The following SUPT3H variants were observed in gnomAD, a reference collection of about 807,000 sequenced individuals.
SUPT3H encodes the protein SPT3 homolog, SAGA and STAGA complex component.
SUPT3H carries 44 observed loss-of-function variants against 44.3 expected under a neutral mutation model. That is an observed-to-expected ratio of 0.99 (90% CI 0.78 to 1.28). The LOEUF (loss-of-function observed/expected upper bound fraction) is 1.28. SUPT3H is among the 50% of genes most tolerant of loss of function. The probability of loss-of-function intolerance (pLI) is 0.00; values close to 1 mark genes in which losing one functional copy is unlikely to be tolerated. For missense variants in SUPT3H, 380 were observed against 387.1 expected (o/e 0.98, Z 0.15); for synonymous variants, 124 against 125.6 (o/e 0.99, Z 0.09).
intron 2 of SUPT3H, among the ~76,000 whole-genome samples, chr6:45,157,867 T>A (rs944496290): frequency 4.0e-5 from 6 of 151,432 alleles, no homozygotes; most frequent in Non-Finnish European, 8.8e-5. Flanking sequence ...TTTAAAAAGC[T>A]TTTTAGGTAA....
At chr6:45,217,838 C>T (rs549067827) in intron 2 of SUPT3H, among the ~76,000 whole-genome samples, 1 of 151,574 alleles carries the variant, frequency 6.6e-6, no homozygotes, top group South Asian at 2.1e-4. Context: ...TGCAGTAGGC[C>T]GAGATCACAC....
In SUPT3H at chr6:44,847,958, C is replaced by CTTTTTTTTTTTTTT. The variant is rs969869912; in HGVS notation, c.913-18115_913-18102dup. Reference sequence around the variant, plus strand: ...CTAGTGTTGACAGTTATCTCTGTGTCTTTTTTTTTTTTTTTTTTTTTTTTT... The same window carrying CTTTTTTTTTTTTTT: ...CTAGTGTTGACAGTTATCTCTGTGTCTTTTTTTTTTTTTTTTTTTTTTTTTTTTTTTTTTTTTTT... On this transcript the variant is annotated intron_variant, in intron 10 of 10. Transcript: ENST00000371459. Among the ~76,000 whole-genome samples the CTTTTTTTTTTTTTT allele has an allele frequency of 3.4e-5, 2 of 58,350 alleles. 1 individual carries two copies. The highest frequency in any genetic ancestry group is 1.4e-4 in the African/African-American group (2 of 14,586). The allele number at this position is 58,350 out of a possible 152,430, so 38.3% of individuals were successfully genotyped here.
intron 2 of SUPT3H, among the ~76,000 whole-genome samples, chr6:45,107,885 T>G (rs1018087485): frequency 1.5e-4 from 23 of 152,262 alleles, no homozygotes; most frequent in Non-Finnish European, 2.9e-4. Context: ...TTATGTTTTT[T>G]TAAAAGAGAA....
chr6:44,904,260 C>T (rs1310441963), intron 10 of SUPT3H, among the ~76,000 whole-genome samples: 3 of 152,126 alleles, frequency 2.0e-5, no homozygotes, highest in Admixed American at 6.5e-5. Flanking sequence ...GATTGTATAT[C>T]TAGAAAACCC....
intron 2 of SUPT3H, among the ~76,000 whole-genome samples, chr6:45,137,087 G>A (rs2153587365): frequency 6.6e-6 from 1 of 152,110 alleles, no homozygotes; most frequent in Non-Finnish European, 1.5e-5. Context: ...AAGACAAGAA[G>A]CAATGGAATA....
At chr6:45,172,819 T>C (rs1037594794) in intron 2 of SUPT3H, among the ~76,000 whole-genome samples, 1 of 151,570 alleles carries the variant, frequency 6.6e-6, no homozygotes, top group African/African-American at 2.4e-5. Flanking sequence ...CTCGAACTCC[T>C]GACCTCGTGA....
At chr6:44,986,594 CTTTATCCTACCCAAAGG>C (rs1246762340) in intron 6 of SUPT3H, among the ~76,000 whole-genome samples, 1 of 152,060 alleles carries the variant, frequency 6.6e-6, no homozygotes, top group African/African-American at 2.4e-5. Flanking sequence ...TGTCAAAATC[CTTTATCCTACCCAAAGG>C]TTCACTGGTT....
chr6:45,263,235 G>T (rs1774685456), intron 2 of SUPT3H, among the ~76,000 whole-genome samples: 1 of 152,072 alleles, frequency 6.6e-6, no homozygotes, highest in Non-Finnish European at 1.5e-5. Flanking sequence ...AATCAACCTA[G>T]ATGCCCATCA....
rs574530537 is a variant in SUPT3H, at chr6:44,978,394, G to A, written c.505-16566C>T. Among the ~76,000 whole-genome samples, 3 of 152,288 alleles carry A rather than the reference G, an allele frequency of 2.0e-5. No individual in the cohort carries two copies. In the South Asian group the frequency reaches 6.2e-4, roughly 32 times the overall value. On this transcript the variant is annotated intron_variant, in intron 6 of 10. Coordinates refer to ENST00000371459, the MANE Select transcript of SUPT3H (RefSeq NM_003599.4). ...CATACCTTGGATAAAGAATGGAACT[G>A]TGATTTTAATATGTAGGTCTATATG...
intron 2 of SUPT3H, among the ~76,000 whole-genome samples, chr6:45,189,198 A>C (rs1294768086): frequency 6.6e-6 from 1 of 152,230 alleles, no homozygotes; most frequent in Admixed American, 6.5e-5. Context: ...TATTGGGCAA[A>C]AGCAACTTTT....
intron 2 of SUPT3H, among the ~76,000 whole-genome samples, chr6:45,122,416 T>C (rs1801807226): frequency 6.6e-6 from 1 of 152,222 alleles, no homozygotes; most frequent in Non-Finnish European, 1.5e-5. Context: ...AACTTAGGAA[T>C]AATTTCACAG....
At chr6:44,992,684 CTTTT>C (rs1262668692) in intron 6 of SUPT3H, among the ~76,000 whole-genome samples, 280 of 152,196 alleles carry the variant, frequency 1.8e-3, no homozygotes, top group African/African-American at 6.6e-3. Context: ...GGGAAGAAAA[CTTTT>C]AAATTTCATC....
At chr6:45,017,832 C>G (rs1784528460) in intron 4 of SUPT3H, among the ~76,000 whole-genome samples, 2 of 140,330 alleles carry the variant, frequency 1.4e-5, no homozygotes, top group Admixed American at 1.4e-4. Context: ...GATGTGGGCT[C>G]TGTTTTGGTT....
At chr6:45,202,522 T>C (rs555522248) in intron 2 of SUPT3H, among the ~76,000 whole-genome samples, 2 of 152,170 alleles carry the variant, frequency 1.3e-5, no homozygotes, top group African/African-American at 4.8e-5. Flanking sequence ...CTTAATCAGA[T>C]TGCTTTTACC....
At chr6:45,242,065 A>G (rs941433891) in intron 2 of SUPT3H, among the ~76,000 whole-genome samples, 1 of 152,240 alleles carries the variant, frequency 6.6e-6, no homozygotes, top group Non-Finnish European at 1.5e-5. Flanking sequence ...TGTGGAAACT[A>G]CAGAGCAAAT....
At chr6:44,911,291 T>C (rs746977720) in intron 10 of SUPT3H, among the ~76,000 whole-genome samples, 1 of 151,976 alleles carries the variant, frequency 6.6e-6, no homozygotes, top group Non-Finnish European at 1.5e-5. Context: ...TGTTTGACAG[T>C]GGTTGCAAGG....
intron 3 of SUPT3H, among the ~76,000 whole-genome samples, chr6:45,047,939 A>T (rs1188775402): frequency 6.6e-6 from 1 of 151,156 alleles, no homozygotes; most frequent in Non-Finnish European, 1.5e-5. Context: ...TTTTTTTTAC[A>T]CTGTCCTAAT....
chr6:45,353,819 C>A, intron 2 of SUPT3H, among the ~76,000 whole-genome samples: 1 of 149,974 alleles, frequency 6.7e-6, no homozygotes. Context: ...TTAAGGCAAC[C>A]ACGAGATTTA....
intron 2 of SUPT3H, among the ~76,000 whole-genome samples, chr6:45,214,742 G>A (rs773351360): frequency 2.6e-5 from 4 of 152,116 alleles, no homozygotes; most frequent in South Asian, 2.1e-4. Context: ...CCATTTACTC[G>A]GGAGGGTAAG....
Sources: gnomAD v4.1 joint callset for allele counts (sites outside exome capture counted in the v4.1 genomes callset) on GRCh38, gnomAD v4.1.1 for gene constraint, MANE v1.5 for transcripts, NCBI Gene and HGNC (gene_info 2026-07-23, HGNC 2026-07-21) for gene names.